The following ADAMTS12 variants were observed in gnomAD, a reference collection of about 807,000 sequenced individuals.
ADAMTS12 encodes ADAM metallopeptidase with thrombospondin type 1 motif 12.
ADAMTS12 carries 118 observed loss-of-function variants against 167.8 expected under a neutral mutation model. The observed-to-expected ratio is 0.70, with a 90% CI of 0.61 to 0.82. The LOEUF (loss-of-function observed/expected upper bound fraction) is 0.82, where lower values mean the gene tolerates loss of function less well. Among genes scored for constraint, ADAMTS12 ranks in the 40% least tolerant of loss-of-function variants. The probability of loss-of-function intolerance (pLI) is 0.00; values close to 1 mark genes in which losing one functional copy is unlikely to be tolerated. For missense variants in ADAMTS12, 1,916 were observed against 1,998.8 expected (o/e 0.96, Z 0.79); for synonymous variants, 704 against 716.9 (o/e 0.98, Z 0.29).
At chr5:33,533,073 T>A (rs930443577) in intron 23 of ADAMTS12, among the ~76,000 whole-genome samples, 1 of 152,236 alleles carries the variant, frequency 6.6e-6, no homozygotes, top group Non-Finnish European at 1.5e-5. Flanking sequence ...AGCACATCAA[T>A]TGCCAGCCAA....
At chr5:33,812,543 A>G (rs1241882210) in intron 2 of ADAMTS12, among the ~76,000 whole-genome samples, 1 of 152,200 alleles carries the variant, frequency 6.6e-6, no homozygotes, top group Non-Finnish European at 1.5e-5. Flanking sequence ...TATCCCAAAG[A>G]TAACTGTTAT....
intron 3 of ADAMTS12, among the ~76,000 whole-genome samples, chr5:33,729,434 C>T (rs1014667051): frequency 6.6e-6 from 1 of 152,202 alleles, no homozygotes; most frequent in East Asian, 1.9e-4. Flanking sequence ...AATTGTTTCA[C>T]TCTAATACAA....
intron 7 of ADAMTS12, among the ~76,000 whole-genome samples, chr5:33,655,615 T>TTAG (rs35899419): frequency 0.5 from 72,096 of 144,554 alleles, 19,448 homozygotes; most frequent in East Asian, 0.63. Flanking sequence ...ACTTTTTTTT[T>TTAG]TTTAGTTTTA....
intron 3 of ADAMTS12, among the ~76,000 whole-genome samples, chr5:33,700,319 G>A (rs1462813600): frequency 2.6e-5 from 4 of 152,160 alleles, no homozygotes; most frequent in Non-Finnish European, 4.4e-5. Context: ...GGATACATTC[G>A]TACTGTGGAA....
chr5:33,809,631 T>C (rs1238351764), intron 2 of ADAMTS12, among the ~76,000 whole-genome samples: 3 of 152,178 alleles, frequency 2.0e-5, no homozygotes, highest in African/African-American at 7.2e-5. Context: ...TATGGCCTTA[T>C]GGATCTTGCA....
intron 3 of ADAMTS12, among the ~76,000 whole-genome samples, chr5:33,721,109 G>A (rs944741888): frequency 1.3e-5 from 2 of 152,276 alleles, no homozygotes; most frequent in Non-Finnish European, 2.9e-5. Context: ...ACAGAAAAAA[G>A]CCAGACACGA....
At chr5:33,554,473 G>T (rs916512729) in intron 20 of ADAMTS12, among the ~76,000 whole-genome samples, 1 of 152,126 alleles carries the variant, frequency 6.6e-6, no homozygotes, top group African/African-American at 2.4e-5. Flanking sequence ...ATGCTCAGGG[G>T]TGTCAAGAGA....
intron 2 of ADAMTS12, among the ~76,000 whole-genome samples, chr5:33,793,093 G>A (rs997292387): frequency 6.6e-6 from 1 of 152,236 alleles, no homozygotes; most frequent in African/African-American, 2.4e-5. Flanking sequence ...ATCTGCCTCA[G>A]GACTTTGGCC....
chr5:33,661,803 C>G (rs1435315284), intron 6 of ADAMTS12, 113 bp downstream of exon 6: 1 of 1,450,322 alleles, frequency 6.9e-7, no homozygotes, highest in African/African-American at 1.4e-5. Flanking sequence ...ACTGTCTTTA[C>G]AAGAGCAGCA....
intron 2 of ADAMTS12, among the ~76,000 whole-genome samples, chr5:33,760,132 C>T (rs773968713): frequency 5.3e-5 from 8 of 152,188 alleles, no homozygotes; most frequent in Non-Finnish European, 1.0e-4. Context: ...GAAAGCACTG[C>T]ATTCTTCCAT....
At chr5:33,865,998 T>C (rs1369510181) in intron 2 of ADAMTS12, among the ~76,000 whole-genome samples, 1 of 152,146 alleles carries the variant, frequency 6.6e-6, no homozygotes, top group Admixed American at 6.6e-5. Flanking sequence ...TGCTCATGGA[T>C]TAGAAGAATC....
chr5:33,673,588 T>A (rs1267208623), intron 5 of ADAMTS12, among the ~76,000 whole-genome samples: 1 of 152,166 alleles, frequency 6.6e-6, no homozygotes. Flanking sequence ...CAAACCTTCA[T>A]TTTATGCTTG....
intron 3 of ADAMTS12, among the ~76,000 whole-genome samples, chr5:33,746,603 GA>G (rs1490317649): frequency 6.6e-6 from 1 of 152,090 alleles, no homozygotes; most frequent in Non-Finnish European, 1.5e-5. Context: ...GCCAAAAGTA[GA>G]AAAAAATTAA....
rs562916270 is a variant in ADAMTS12 at position 33,890,500 on chromosome 5, T to A, written c.127+1230A>T. On this transcript the variant is annotated intron_variant, in intron 1 of 23. Transcript: ENST00000504830. ...CAGCAGATGAGTTGTCCAGCAATATTTGAATTTTACAACATGAGCAGAAAA... is the reference window on the plus strand; with the variant it reads ...CAGCAGATGAGTTGTCCAGCAATATATGAATTTTACAACATGAGCAGAAAA... Among the ~76,000 whole-genome samples the A allele has an allele frequency of 2.0e-5, 3 of 152,286 alleles. No homozygotes were observed. In the East Asian group the frequency reaches 5.8e-4, roughly 29 times the overall value.
intron 5 of ADAMTS12, among the ~76,000 whole-genome samples, chr5:33,680,434 A>AT (rs1742067937): frequency 6.6e-6 from 1 of 151,628 alleles, no homozygotes; most frequent in Admixed American, 6.6e-5. Context: ...GAGGGTCAAG[A>AT]TTTTTCCTTC....
intron 5 of ADAMTS12, among the ~76,000 whole-genome samples, chr5:33,665,285 T>G (rs1180708129): frequency 6.6e-6 from 1 of 152,110 alleles, no homozygotes; most frequent in Non-Finnish European, 1.5e-5. Context: ...TCAGTTTAGA[T>G]AGAAGGAATA....
Position 33,549,305 on chromosome 5 carries a change from G to T in ADAMTS12, c.4204C>A (p.Pro1402Thr). 1 of 1,614,214 alleles carries T rather than the reference G, an allele frequency of 6.2e-7. No homozygotes were observed. Among genetic ancestry groups the T allele is most frequent in the Non-Finnish European group, 8.5e-7 (1 of 1,180,030 alleles). The change falls in exon 21 of 24, where the codon CCA becomes ACA. Residue 1402 changes from proline (P) to threonine (T), a missense_variant. Coordinates refer to ENST00000504830, the MANE Select transcript of ADAMTS12 (RefSeq NM_030955.4). The part of the protein sequence containing the change: ...VDSRDHRNLR[P>T]FHCQFLAGIP... ...CCGGCCAGGAACTGGCAGTGAAATG[G>T]CCTCAGGTTCCGGTGGTCCCGGCTG... is the stretch of plus-strand genomic sequence containing the variant.
At chr5:33,842,386 T>C (rs1419243072) in intron 2 of ADAMTS12, among the ~76,000 whole-genome samples, 1 of 152,228 alleles carries the variant, frequency 6.6e-6, no homozygotes, top group Non-Finnish European at 1.5e-5. Flanking sequence ...TGCTGAATCA[T>C]GGTAAAATAG....
intron 2 of ADAMTS12, among the ~76,000 whole-genome samples, chr5:33,778,897 C>G (rs886578464): frequency 6.6e-6 from 1 of 151,802 alleles, no homozygotes; most frequent in Non-Finnish European, 1.5e-5. Flanking sequence ...ATACAAGCAA[C>G]CAAGAGATAT....
Sources: gnomAD v4.1 joint callset for allele counts (sites outside exome capture counted in the v4.1 genomes callset) on GRCh38, gnomAD v4.1.1 for gene constraint, MANE v1.5 for transcripts, NCBI Gene and HGNC (gene_info 2026-07-23, HGNC 2026-07-21) for gene names.